The following DLG2 variants were observed in gnomAD, a reference collection of about 807,000 sequenced individuals.
DLG2 encodes disks large homolog 2.
DLG2 carries 45 observed loss-of-function variants against 132.5 expected under a neutral mutation model. The ratio of observed to expected loss-of-function variants is 0.34; its 90% CI spans 0.27 to 0.44. The LOEUF is 0.44. Among genes scored for constraint, DLG2 ranks in the 20% least tolerant of loss-of-function variants. DLG2 has a pLI of 1.00. For synonymous variants in DLG2, 424 were observed against 419.6 expected (o/e 1.01, Z -0.13); for missense variants, 1,045 against 1,196.9 (o/e 0.87, Z 1.87).
At chr11:84,081,629 C>T (rs2096905305) in intron 10 of DLG2, among the ~76,000 whole-genome samples, 1 of 152,248 alleles carries the variant, frequency 6.6e-6, no homozygotes, top group African/African-American at 2.4e-5. Flanking sequence ...TCATCCATGT[C>T]CCTACAAAGG....
intron 8 of DLG2, among the ~76,000 whole-genome samples, chr11:84,234,026 T>A (rs1270227319): frequency 6.6e-6 from 1 of 152,104 alleles, no homozygotes; most frequent in Non-Finnish European, 1.5e-5. Flanking sequence ...AAAGTGGCAT[T>A]TTAACTGGCA....
At chr11:83,637,805 C>T (rs1420745219) in intron 18 of DLG2, among the ~76,000 whole-genome samples, 2 of 152,084 alleles carry the variant, frequency 1.3e-5, no homozygotes, top group Non-Finnish European at 2.9e-5. Flanking sequence ...TGGGATGCCT[C>T]ACTCATCTCT....
rs1449239409 is a variant in DLG2, at chr11:84,172,324, G to A, written c.574-8813C>T. Reference sequence around the variant, plus strand: ...CTCACAAGCTATAAAAACAATCACTGATATTCTTAGTTAAGATTCTGAGTT... The same window carrying A: ...CTCACAAGCTATAAAAACAATCACTAATATTCTTAGTTAAGATTCTGAGTT... On this transcript the variant is annotated intron_variant, in intron 8 of 27. Coordinates refer to ENST00000376104, the MANE Select transcript of DLG2 (RefSeq NM_001142699.3). 2.6e-5 allele frequency among the ~76,000 whole-genome samples: 4 copies of A among 151,918 alleles called. No homozygotes were observed. The East Asian group carries it at 7.7e-4, about 29-fold the overall frequency.
chr11:84,579,900 C>G (rs2099512413), intron 6 of DLG2, among the ~76,000 whole-genome samples: 1 of 152,094 alleles, frequency 6.6e-6, no homozygotes, highest in South Asian at 2.1e-4. Flanking sequence ...AATGTGGGGG[C>G]TGATGGAGAA....
At chr11:85,274,394 T>G (rs1163625198) in intron 4 of DLG2, among the ~76,000 whole-genome samples, 4 of 152,166 alleles carry the variant, frequency 2.6e-5, no homozygotes, top group Non-Finnish European at 5.9e-5. Flanking sequence ...CTCCTTTACT[T>G]ACAGTCAACT....
intron 6 of DLG2, among the ~76,000 whole-genome samples, chr11:84,844,502 T>A (rs2081225634): frequency 6.6e-6 from 1 of 151,942 alleles, no homozygotes; most frequent in Non-Finnish European, 1.5e-5. Context: ...ATCATTTCTA[T>A]CTCTACCTCT....
At chr11:83,848,762 C>G (rs2059128381) in intron 16 of DLG2, among the ~76,000 whole-genome samples, 1 of 152,196 alleles carries the variant, frequency 6.6e-6, no homozygotes, top group African/African-American at 2.4e-5. Context: ...TTCCTTCTGG[C>G]ACTATACCTA....
chr11:84,527,732 G>A lies in DLG2; in HGVS notation c.519+6838C>T, dbSNP rs569160024. Among the ~76,000 whole-genome samples the A allele has an allele frequency of 4.6e-5, 7 of 152,172 alleles. No homozygotes were observed. The South Asian group carries it at 1.5e-3, about 32-fold the overall frequency. ...ACATTTCTTTTTTAATACACCCTAGGAAATACTGCCAATTTTAACTGCAAG... is the reference window on the plus strand; with the variant it reads ...ACATTTCTTTTTTAATACACCCTAGAAAATACTGCCAATTTTAACTGCAAG... On this transcript the variant is annotated intron_variant, in intron 7 of 27. Coordinates refer to ENST00000376104, the MANE Select transcript of DLG2 (RefSeq NM_001142699.3).
intron 3 of DLG2, among the ~76,000 whole-genome samples, chr11:85,324,201 C>A (rs772598501): frequency 2.0e-5 from 3 of 152,130 alleles, no homozygotes; most frequent in Non-Finnish European, 4.4e-5. Flanking sequence ...CCACTTCTCC[C>A]CTGAGTTCAC....
At chr11:84,272,523 C>A (rs2097738070) in intron 7 of DLG2, among the ~76,000 whole-genome samples, 1 of 152,162 alleles carries the variant, frequency 6.6e-6, no homozygotes, top group South Asian at 2.1e-4. Context: ...ATGTTGCCAG[C>A]CTGATTCCTC....
chr11:83,932,520 C>A (rs947283449), intron 14 of DLG2, among the ~76,000 whole-genome samples: 1 of 152,150 alleles, frequency 6.6e-6, no homozygotes, highest in Non-Finnish European at 1.5e-5. Context: ...AGGCGTGAGC[C>A]ACCGCGCCCG....
At chr11:85,462,178 T>C (rs910755854) in intron 3 of DLG2, among the ~76,000 whole-genome samples, 4 of 152,138 alleles carry the variant, frequency 2.6e-5, no homozygotes, top group African/African-American at 4.8e-5. Flanking sequence ...TGTGCAGAAA[T>C]AGGAACACTT....
intron 21 of DLG2, among the ~76,000 whole-genome samples, chr11:83,507,426 T>C (rs2094762812): frequency 6.8e-6 from 1 of 147,886 alleles, no homozygotes; most frequent in African/African-American, 2.5e-5. Flanking sequence ...CACATACATA[T>C]ATCCTATATA....
chr11:85,478,949 C>T (rs2093218423), intron 3 of DLG2, among the ~76,000 whole-genome samples: 1 of 152,078 alleles, frequency 6.6e-6, no homozygotes, highest in Non-Finnish European at 1.5e-5. Context: ...AAAAATGTTA[C>T]CCTTATGGTC....
At chr11:84,352,088 T>C (rs2154413727) in intron 7 of DLG2, among the ~76,000 whole-genome samples, 1 of 152,308 alleles carries the variant, frequency 6.6e-6, no homozygotes, top group Non-Finnish European at 1.5e-5. Flanking sequence ...TTTAAACAAA[T>C]GAGGCAATGC....
intron 15 of DLG2, among the ~76,000 whole-genome samples, chr11:83,891,669 T>C (rs1055624765): frequency 6.6e-6 from 1 of 152,110 alleles, no homozygotes; most frequent in South Asian, 2.1e-4. Context: ...TACAGAGCCA[T>C]TCTGTAGAGC....
At chr11:85,408,209 AATT>A (rs925727254) in intron 3 of DLG2, among the ~76,000 whole-genome samples, 2 of 148,998 alleles carry the variant, frequency 1.3e-5, no homozygotes, top group African/African-American at 4.9e-5. Flanking sequence ...TTGATTTTGG[AATT>A]ATTTTCTTTT....
At chr11:84,666,050 G>A (rs1193573770) in intron 6 of DLG2, among the ~76,000 whole-genome samples, 1 of 152,118 alleles carries the variant, frequency 6.6e-6, no homozygotes, top group East Asian at 1.9e-4. Flanking sequence ...GCATCACTAG[G>A]AATTCGGCTA....
At chr11:84,310,497 T>A (rs186162005) in intron 7 of DLG2, among the ~76,000 whole-genome samples, 11 of 152,352 alleles carry the variant, frequency 7.2e-5, no homozygotes, top group Admixed American at 1.3e-4. Flanking sequence ...CCATTCTGTG[T>A]GCTTGGCCTC....
Sources: allele counts gnomAD v4.1 joint callset (sites outside exome capture counted in the v4.1 genomes callset), GRCh38; gene constraint gnomAD v4.1.1; transcripts MANE v1.5; gene names NCBI Gene and HGNC (gene_info 2026-07-23, HGNC 2026-07-21).